The following ASTN1 variants were observed in gnomAD, a reference collection of about 807,000 sequenced individuals.
The protein encoded by ASTN1 is astrotactin 1.
In ASTN1, 41 loss-of-function variants were observed where a neutral mutation model predicts 140.7. The observed-to-expected ratio is 0.29, with a 90% CI of 0.23 to 0.38. ASTN1 has a LOEUF of 0.38. Among genes scored for constraint, ASTN1 ranks in the 10% least tolerant of loss-of-function variants. The pLI is 1.00. For missense variants in ASTN1, 1,479 were observed against 1,678.8 expected, an observed-to-expected ratio of 0.88 and a Z score of 2.08; for synonymous variants, 640 against 652.2, an observed-to-expected ratio of 0.98 and a Z score of 0.29.
At chr1:177,148,237 T>C (rs546521220) in intron 1 of ASTN1, among the ~76,000 whole-genome samples, 2 of 152,006 alleles carry the variant, frequency 1.3e-5, no homozygotes, top group Admixed American at 6.6e-5. Context: ...GCTAACACGG[T>C]GAAACCCGGT....
chr1:176,875,774 G>A (rs966980738), intron 21 of ASTN1, among the ~76,000 whole-genome samples: 12 of 152,182 alleles, frequency 7.9e-5, no homozygotes, highest in African/African-American at 1.7e-4. Context: ...AATGCTATCC[G>A]TTCAATACTA....
At chr1:177,129,854 C>A (rs1038510421) in intron 1 of ASTN1, among the ~76,000 whole-genome samples, 5 of 152,184 alleles carry the variant, frequency 3.3e-5, no homozygotes, top group African/African-American at 1.2e-4. Context: ...GTAGTCCCAG[C>A]TACTCAGAAG....
At position 176,863,564 on chromosome 1, in the gene ASTN1, A is replaced by G. The variant is rs1668035239; in HGVS notation, c.*720T>C. 1.0e-6 allele frequency: 1 copy of G among 985,420 alleles called. No homozygotes were observed. Among genetic ancestry groups the G allele is most frequent in the Non-Finnish European group, 1.2e-6 (1 of 829,940 alleles). 61.0% of individuals were successfully genotyped at this position (985,420 alleles called of 1,614,324 possible). ...GATGGCATCTTGTTCCCTCTCAAAG[A>G]TCATGTTGTTCAGAGGAAGGGACAG... On this transcript the variant is annotated 3_prime_UTR_variant, in exon 23 of 23. Transcript: ENST00000361833.
intron 1 of ASTN1, among the ~76,000 whole-genome samples, chr1:177,144,471 C>G (rs547671427): frequency 2.0e-5 from 3 of 150,872 alleles, no homozygotes; most frequent in Non-Finnish European, 2.9e-5. Context: ...CCAGGATGGT[C>G]TTGATCTCCT....
chr1:177,102,376 T>C (rs1291178004), intron 1 of ASTN1, among the ~76,000 whole-genome samples: 2 of 152,166 alleles, frequency 1.3e-5, no homozygotes, highest in Non-Finnish European at 2.9e-5. Context: ...ATACTGCTAG[T>C]AAGGAAAGAA....
intron 1 of ASTN1, among the ~76,000 whole-genome samples, chr1:177,109,615 C>A (rs1680717092): frequency 6.6e-6 from 1 of 152,122 alleles, no homozygotes; most frequent in African/African-American, 2.4e-5. Context: ...GGTTAGATTT[C>A]AGAATGAGCT....
intron 8 of ASTN1, among the ~76,000 whole-genome samples, chr1:177,008,580 AAAGAAGAAGGAGGAGGAAGAG>A (rs1353000432): frequency 1.9e-4 from 28 of 150,368 alleles, no homozygotes; most frequent in South Asian, 8.5e-4. Flanking sequence ...GAAGAGAGAG[AAAGAAGAAGGAGGAGGAAGAG>A]AAGAAGAAGG....
intron 7 of ASTN1, among the ~76,000 whole-genome samples, chr1:177,021,204 C>A (rs992043419): frequency 2.6e-5 from 4 of 152,204 alleles, no homozygotes; most frequent in African/African-American, 9.6e-5. Flanking sequence ...GAAGATGCTG[C>A]ACCTTAGTTT....
At position 176,894,577 on chromosome 1, in the gene ASTN1, G is replaced by A; in HGVS notation, c.2925C>T (p.Asn975=). 1 of 1,614,046 alleles carries A rather than the reference G, an allele frequency of 6.2e-7. No individual in the cohort carries two copies. The highest frequency in any genetic ancestry group is 1.1e-5 in the South Asian group (1 of 91,066). The change falls in exon 17 of 23, where the codon AAC becomes AAT. Residue 975 remains asparagine, a synonymous_variant. Transcript: ENST00000361833. ...GGCCTCTTACCCTCTGGGTCTGGTT[G>A]TTGGTCACTAGTTCATAGATGGGGG... ...KAAPIYELVT[N]NQTQRLLQEA... is the part of the protein sequence containing the mutation.
At chr1:177,124,743 T>C (rs550285479) in intron 1 of ASTN1, among the ~76,000 whole-genome samples, 2 of 152,226 alleles carry the variant, frequency 1.3e-5, no homozygotes, top group Non-Finnish European at 2.9e-5. Flanking sequence ...CAGCATGTTT[T>C]GATAGAGGAG....
intron 16 of ASTN1, among the ~76,000 whole-genome samples, chr1:176,913,396 C>T (rs1033700572): frequency 4.6e-5 from 7 of 152,164 alleles, no homozygotes; most frequent in Admixed American, 1.3e-4. Context: ...AGTCAGTGCA[C>T]GTCCATGAAT....
intron 2 of ASTN1, among the ~76,000 whole-genome samples, chr1:177,054,641 C>A (rs1677709691): frequency 6.6e-6 from 1 of 152,166 alleles, no homozygotes; most frequent in Non-Finnish European, 1.5e-5. Context: ...GATACATCTG[C>A]TTCTTTCACT....
chr1:176,888,065 C>A lies in ASTN1; in HGVS notation c.3074+6G>T. 1 of 1,614,054 alleles carries A rather than the reference C, an allele frequency of 6.2e-7. No individual in the cohort carries two copies. Among genetic ancestry groups the A allele is most frequent in the South Asian group, 1.1e-5 (1 of 91,080 alleles). On this transcript the variant is annotated splice_donor_region_variant and intron_variant, in intron 18 of 22. Transcript: ENST00000361833. ...GTAATGCTGAAAGAGAGAAAGAGAA[C>A]CATACACAGGCTGTGGGAGAGGCGC...
chr1:177,005,611 GT>G (rs1294617046), intron 8 of ASTN1, among the ~76,000 whole-genome samples: 6 of 152,112 alleles, frequency 3.9e-5, no homozygotes, highest in South Asian at 2.1e-4. Flanking sequence ...TAAAGAAAAT[GT>G]TTTTTATATA....
At chr1:177,053,986 A>G (rs1677671594) in intron 2 of ASTN1, among the ~76,000 whole-genome samples, 1 of 152,230 alleles carries the variant, frequency 6.6e-6, no homozygotes, top group African/African-American at 2.4e-5. Flanking sequence ...AAAATGGAGT[A>G]AAGTGTCAGA....
intron 1 of ASTN1, among the ~76,000 whole-genome samples, chr1:177,096,873 C>T (rs141114559): frequency 1.3e-5 from 2 of 152,108 alleles, no homozygotes; most frequent in Non-Finnish European, 2.9e-5. Context: ...AAATACAATG[C>T]CCTTATAAAA....
chr1:177,099,343 G>A (rs1204955772), intron 1 of ASTN1, among the ~76,000 whole-genome samples: 1 of 151,858 alleles, frequency 6.6e-6, no homozygotes, highest in Non-Finnish European at 1.5e-5. Flanking sequence ...TTTATGATCT[G>A]TACAGGCGGT....
At chr1:177,158,623 A>G (rs1219258033) in intron 1 of ASTN1, among the ~76,000 whole-genome samples, 4 of 150,850 alleles carry the variant, frequency 2.7e-5, no homozygotes, top group African/African-American at 9.8e-5. Context: ...TTTAAGTTTA[A>G]TTACATTTCT....
chr1:176,865,492 T>G (rs182020445), intron 22 of ASTN1, among the ~76,000 whole-genome samples: 1 of 152,274 alleles, frequency 6.6e-6, no homozygotes, highest in Non-Finnish European at 1.5e-5. Context: ...AAGATCAGGA[T>G]CCTCTCATTC....
Sources: allele counts gnomAD v4.1 joint callset (sites outside exome capture counted in the v4.1 genomes callset), GRCh38; gene constraint gnomAD v4.1.1; transcripts MANE v1.5; gene names NCBI Gene and HGNC (gene_info 2026-07-23, HGNC 2026-07-21).